The following C8orf34 variants were observed in gnomAD, a reference collection of about 807,000 sequenced individuals.
C8orf34 encodes uncharacterized protein C8orf34.
In C8orf34, 65 loss-of-function variants were observed where a neutral mutation model predicts 68.3. The ratio of observed to expected loss-of-function variants is 0.95; its 90% CI spans 0.78 to 1.17. The LOEUF (loss-of-function observed/expected upper bound fraction) is 1.17. Ranked by LOEUF, C8orf34 falls within the 50% of genes most tolerant of loss-of-function variation. C8orf34 has a pLI of 0.00. For missense variants in C8orf34, 664 were observed against 655.4 expected (o/e 1.01, Z -0.14); for synonymous variants, 244 against 241.2 (o/e 1.01, Z -0.11).
At chr8:68,675,261 AAC>A (rs1352508709) in intron 8 of C8orf34, among the ~76,000 whole-genome samples, 2 of 152,202 alleles carry the variant, frequency 1.3e-5, no homozygotes, top group African/African-American at 2.4e-5. Context: ...TACACAGAAA[AAC>A]ACATAATATT....
chr8:68,767,486 G>C (rs985835021), intron 10 of C8orf34, among the ~76,000 whole-genome samples: 1 of 152,114 alleles, frequency 6.6e-6, no homozygotes, highest in Non-Finnish European at 1.5e-5. Context: ...CAGGACATTT[G>C]ACCTGTAATA....
At chr8:68,379,788 T>C (rs924399226) in intron 1 of C8orf34, among the ~76,000 whole-genome samples, 2 of 152,234 alleles carry the variant, frequency 1.3e-5, no homozygotes, top group African/African-American at 4.8e-5. Flanking sequence ...CGGATAAAGA[T>C]GTGCCAGGAC....
rs1022372123 is a variant in C8orf34, at chr8:68,505,672, C to G, written c.766-16127C>G. ...CGTGAACCCGGGAAGCGGAGCTTGC[C>G]GTGAGCCGAGATTGCGCCACTGCAG... On this transcript the variant is annotated intron_variant, in intron 5 of 13. Transcript: ENST00000518698. Among the ~76,000 whole-genome samples, 14 of 134,706 alleles carry G rather than the reference C, an allele frequency of 1.0e-4. 3 individuals are homozygous for G. The Middle Eastern group carries it at 0.011, about 102-fold the overall frequency. 88.4% of individuals were successfully genotyped at this position (134,706 alleles called of 152,430 possible). A position where few individuals can be genotyped will look rare whatever the true frequency, so the allele number is the denominator to read the frequency against.
chr8:68,732,177 C>G (rs16934975), intron 10 of C8orf34, among the ~76,000 whole-genome samples: 14,864 of 152,206 alleles, frequency 0.098, 823 homozygotes, highest in East Asian at 0.22. Context: ...AGTATATGAA[C>G]TATTTTAAAG....
chr8:68,412,657 C>T (rs932340625), intron 1 of C8orf34, among the ~76,000 whole-genome samples: 1 of 152,132 alleles, frequency 6.6e-6, no homozygotes, highest in African/African-American at 2.4e-5. Context: ...CTTTATTGAA[C>T]TCCTCTTATA....
At chr8:68,613,636 T>A (rs1293007563) in intron 7 of C8orf34, among the ~76,000 whole-genome samples, 1 of 151,776 alleles carries the variant, frequency 6.6e-6, no homozygotes, top group Non-Finnish European at 1.5e-5. Flanking sequence ...TTTTTATGGC[T>A]GCATAGTATT....
chr8:68,395,129 GTA>G lies in C8orf34; in HGVS notation c.328-44368_328-44367del, dbSNP rs141028107. ...CAAATATGTGGAAAAAGTACAAAAA[GTA>G]TTTTTTTTAAACAACTATCAGTATG... On this transcript the variant is annotated intron_variant, in intron 1 of 13. Transcript: ENST00000518698. Among the ~76,000 whole-genome samples, 1,106 of 152,032 alleles carry G rather than the reference GTA, an allele frequency of 7.3e-3. 23 individuals are homozygous for G. Among genetic ancestry groups the G allele is most frequent in the African/African-American group, 0.026 (1,058 of 41,484 alleles).
chr8:68,728,741 G>A (rs956722081), intron 10 of C8orf34, among the ~76,000 whole-genome samples: 1 of 152,196 alleles, frequency 6.6e-6, no homozygotes, highest in African/African-American at 2.4e-5. Context: ...TCAACAACAT[G>A]TGGGAATTCT....
chr8:68,508,599 C>A (rs1396938676), intron 5 of C8orf34, among the ~76,000 whole-genome samples: 1 of 152,112 alleles, frequency 6.6e-6, no homozygotes, highest in Non-Finnish European at 1.5e-5. Context: ...CTCAACAGGT[C>A]TCATTTGGGC....
At chr8:68,606,028 C>G (rs1817843888) in intron 7 of C8orf34, among the ~76,000 whole-genome samples, 1 of 152,002 alleles carries the variant, frequency 6.6e-6, no homozygotes, top group Admixed American at 6.6e-5. Flanking sequence ...CATAATACTG[C>G]TCTAAAAAAC....
intron 10 of C8orf34, among the ~76,000 whole-genome samples, chr8:68,727,566 C>A (rs113013041): frequency 0.045 from 6,791 of 152,338 alleles, 230 homozygotes; most frequent in Non-Finnish European, 0.067. Context: ...ACTGCCCTAG[C>A]AGAGGTTCTC....
chr8:68,790,868 A>G (rs1201675947), intron 12 of C8orf34: 1 of 701,892 alleles, frequency 1.4e-6, no homozygotes, highest in Non-Finnish European at 2.6e-6. Flanking sequence ...CATTTTTCAT[A>G]CTTTGGTAAT....
At chr8:68,366,340 T>C (rs1807251884) in intron 1 of C8orf34, among the ~76,000 whole-genome samples, 1 of 137,664 alleles carries the variant, frequency 7.3e-6, no homozygotes, top group Non-Finnish European at 1.5e-5. Flanking sequence ...ATTTATAGAT[T>C]CAATGTCATC....
At chr8:68,648,967 G>T (rs1259558852) in intron 8 of C8orf34, among the ~76,000 whole-genome samples, 2 of 152,124 alleles carry the variant, frequency 1.3e-5, no homozygotes, top group Non-Finnish European at 2.9e-5. Context: ...TAGTTGACTT[G>T]AGAAAACCTA....
chr8:68,763,396 G>T (rs1045227776), intron 10 of C8orf34, among the ~76,000 whole-genome samples: 1 of 152,076 alleles, frequency 6.6e-6, no homozygotes, highest in African/African-American at 2.4e-5. Context: ...ACTCTGATGG[G>T]TCTGACAGTG....
chr8:68,480,079 G>A (rs999369907), intron 4 of C8orf34, among the ~76,000 whole-genome samples: 9 of 152,158 alleles, frequency 5.9e-5, no homozygotes, highest in African/African-American at 2.2e-4. Context: ...CAATTAATAT[G>A]GTTTGGCTAT....
At chr8:68,604,443 GTAAAA>G (rs1817793265) in intron 7 of C8orf34, among the ~76,000 whole-genome samples, 1 of 148,418 alleles carries the variant, frequency 6.7e-6, no homozygotes, top group South Asian at 2.1e-4. Flanking sequence ...AAGAAAACAA[GTAAAA>G]TAAAGTACAA....
At chr8:68,438,081 T>C (rs1363686510) in intron 1 of C8orf34, 1 of 152,218 alleles carries the variant, frequency 6.6e-6, no homozygotes, top group Non-Finnish European at 1.5e-5. Context: ...TACTAATATC[T>C]ACCTGTAGTC....
intron 1 of C8orf34, among the ~76,000 whole-genome samples, chr8:68,425,125 G>A (rs1810153400): frequency 6.6e-6 from 1 of 152,022 alleles, no homozygotes. Flanking sequence ...AAATAGAGGG[G>A]AACTTCCTTA....
Sources: gnomAD v4.1 joint callset for allele counts (sites outside exome capture counted in the v4.1 genomes callset) on GRCh38, gnomAD v4.1.1 for gene constraint, MANE v1.5 for transcripts, NCBI Gene and HGNC (gene_info 2026-07-23, HGNC 2026-07-21) for gene names.